CNTN5: variants seen among roughly 807,000 people sequenced by gnomAD.
CNTN5 encodes the protein contactin 5.
In CNTN5, 77 loss-of-function variants were observed where a neutral mutation model predicts 129.1. The ratio of observed to expected loss-of-function variants is 0.60; its 90% CI spans 0.50 to 0.72. CNTN5 has a LOEUF of 0.72. CNTN5 is among the 30% of genes least tolerant of loss of function. The pLI, the probability that CNTN5 is intolerant of heterozygous loss-of-function variation, is 0.00. For missense variants in CNTN5, 1,478 were observed against 1,328.8 expected, an observed-to-expected ratio of 1.11 and a Z score of -1.75; for synonymous variants, 509 against 465.6, an observed-to-expected ratio of 1.09 and a Z score of -1.20.
In CNTN5 at chr11:99,935,093, A is replaced by G. The variant is rs565180797; in HGVS notation, c.673+18944A>G. Among the ~76,000 whole-genome samples the G allele has an allele frequency of 4.2e-3, 639 of 151,222 alleles. 1 individual carries two copies. Among genetic ancestry groups the G allele is most frequent in the African/African-American group, 0.014 (595 of 41,332 alleles). On this transcript the variant is annotated intron_variant, in intron 7 of 24. Transcript: ENST00000524871. ...TATATCTTCACATAGATGTATATCT[A>G]TATCAATATAATTAAATTTTATACG... is the stretch of plus-strand genomic sequence containing the variant.
At chr11:100,230,502 A>G (rs762721513) in intron 16 of CNTN5, among the ~76,000 whole-genome samples, 3 of 152,172 alleles carry the variant, frequency 2.0e-5, no homozygotes, top group Non-Finnish European at 4.4e-5. Context: ...AGATGTTCAG[A>G]TTTTCTGCAC....
intron 1 of CNTN5, among the ~76,000 whole-genome samples, chr11:99,055,188 T>C (rs1410698248): frequency 6.6e-6 from 1 of 152,024 alleles, no homozygotes; most frequent in East Asian, 1.9e-4. Flanking sequence ...GTAATCCCAT[T>C]ATGCTCTATA....
chr11:99,122,654 C>T (rs922244807), intron 1 of CNTN5, among the ~76,000 whole-genome samples: 2 of 152,008 alleles, frequency 1.3e-5, no homozygotes, highest in Admixed American at 1.3e-4. Context: ...AGGTAATAAG[C>T]ATAGTACCTG....
At chr11:99,814,292 GTC>G (rs1441703611) in intron 3 of CNTN5, among the ~76,000 whole-genome samples, 10 of 152,242 alleles carry the variant, frequency 6.6e-5, no homozygotes, top group African/African-American at 2.4e-4. Context: ...GTGAGGGACT[GTC>G]TCTTCTGATT....
At chr11:99,491,661 C>T (rs1019056753) in intron 2 of CNTN5, among the ~76,000 whole-genome samples, 3 of 152,068 alleles carry the variant, frequency 2.0e-5, no homozygotes, top group Non-Finnish European at 4.4e-5. Flanking sequence ...TTGCATATTT[C>T]CTTGAGAAGG....
intron 3 of CNTN5, among the ~76,000 whole-genome samples, chr11:99,601,155 A>ATC (rs1950300284): frequency 6.6e-6 from 1 of 152,184 alleles, no homozygotes; most frequent in South Asian, 2.1e-4. Flanking sequence ...TTCATCTGCC[A>ATC]TCTCTCTATA....
intron 6 of CNTN5, among the ~76,000 whole-genome samples, chr11:99,847,251 A>G (rs1037982583): frequency 5.9e-5 from 9 of 152,206 alleles, no homozygotes; most frequent in African/African-American, 1.9e-4. Context: ...TTACATATCC[A>G]TATGACTGTC....
At chr11:99,469,748 T>A (rs532304224) in intron 2 of CNTN5, among the ~76,000 whole-genome samples, 115 of 152,252 alleles carry the variant, frequency 7.6e-4, no homozygotes, top group Middle Eastern at 6.8e-3. Context: ...TTTTAAATTT[T>A]TTTTTGGCTT....
At chr11:99,565,778 A>C (rs1948986351) in intron 3 of CNTN5, among the ~76,000 whole-genome samples, 1 of 152,016 alleles carries the variant, frequency 6.6e-6, no homozygotes, top group Non-Finnish European at 1.5e-5. Context: ...CCCCCCATGC[A>C]TGTTAGTAAA....
chr11:99,608,518 A>C (rs1356628672), intron 3 of CNTN5, among the ~76,000 whole-genome samples: 2 of 152,184 alleles, frequency 1.3e-5, no homozygotes, highest in Non-Finnish European at 2.9e-5. Context: ...GACCTAATCC[A>C]GTAAGCCTGG....
chr11:99,668,759 A>G (rs1245028891), intron 3 of CNTN5, among the ~76,000 whole-genome samples: 2 of 152,054 alleles, frequency 1.3e-5, no homozygotes, highest in African/African-American at 4.8e-5. Flanking sequence ...TGGAACTTGA[A>G]CTCTACAAAA....
intron 3 of CNTN5, among the ~76,000 whole-genome samples, chr11:99,628,975 A>T (rs914741121): frequency 4.6e-5 from 7 of 152,246 alleles, no homozygotes; most frequent in Non-Finnish European, 7.4e-5. Context: ...TGGTAGACTC[A>T]GCACATATTC....
chr11:100,059,377 G>T (rs1044053902), intron 9 of CNTN5, among the ~76,000 whole-genome samples: 1 of 152,148 alleles, frequency 6.6e-6, no homozygotes, highest in South Asian at 2.1e-4. Flanking sequence ...AACTATAGAC[G>T]TGTTTTCTTC....
At chr11:99,322,350 T>C (rs976236295) in intron 1 of CNTN5, among the ~76,000 whole-genome samples, 8 of 152,118 alleles carry the variant, frequency 5.3e-5, no homozygotes, top group Admixed American at 4.6e-4. Context: ...TGTTGGGCAA[T>C]ACATTTAATA....
chr11:99,181,119 G>A (rs1023855213), intron 1 of CNTN5, among the ~76,000 whole-genome samples: 27 of 152,214 alleles, frequency 1.8e-4, no homozygotes, highest in African/African-American at 6.0e-4. Context: ...CAGGGGGTCT[G>A]GTGCATTCAT....
chr11:99,752,390 T>C (rs1944264372), intron 3 of CNTN5, among the ~76,000 whole-genome samples: 1 of 152,208 alleles, frequency 6.6e-6, no homozygotes, highest in Non-Finnish European at 1.5e-5. Flanking sequence ...ACTCTGGTGA[T>C]TGGGATGAAT....
chr11:99,756,294 G>A (rs550771850), intron 3 of CNTN5, among the ~76,000 whole-genome samples: 3 of 152,040 alleles, frequency 2.0e-5, no homozygotes, highest in Non-Finnish European at 4.4e-5. Flanking sequence ...GGTTTCTTTA[G>A]TAAGATCTCT....
At chr11:99,843,286 A>C (rs539285218) in intron 4 of CNTN5, among the ~76,000 whole-genome samples, 1 of 152,204 alleles carries the variant, frequency 6.6e-6, no homozygotes, top group Non-Finnish European at 1.5e-5. Context: ...TCGTCAGTAC[A>C]TGCTCATAGT....
At chr11:99,593,624 A>G (rs1950042258) in intron 3 of CNTN5, among the ~76,000 whole-genome samples, 1 of 152,258 alleles carries the variant, frequency 6.6e-6, no homozygotes, top group Non-Finnish European at 1.5e-5. Context: ...ATATATTAAT[A>G]GAAAATACTT....
Sources: allele counts gnomAD v4.1 joint callset (sites outside exome capture counted in the v4.1 genomes callset), GRCh38; gene constraint gnomAD v4.1.1; transcripts MANE v1.5; gene names NCBI Gene and HGNC (gene_info 2026-07-23, HGNC 2026-07-21).